The following DRC8 variants were observed in gnomAD, a reference collection of about 807,000 sequenced individuals.
DRC8 encodes the protein dynein regulatory complex subunit 8.
At chr1:244,997,143 A>C in the DRC8 span, among the ~76,000 whole-genome samples, 3 of 152,346 alleles carry the variant, frequency 2.0e-5, no homozygotes, top group Admixed American at 1.3e-4. Context: ...TTCAATATAC[A>C]GTTGAATCCA....
the DRC8 span, among the ~76,000 whole-genome samples, chr1:245,063,056 C>G: frequency 1.3e-5 from 2 of 152,300 alleles, no homozygotes; most frequent in Admixed American, 1.3e-4. Flanking sequence ...CAGCCTGATA[C>G]CCTTGGTGAG....
At chr1:244,990,507 T>A in the DRC8 span, among the ~76,000 whole-genome samples, 2 of 152,136 alleles carry the variant, frequency 1.3e-5, no homozygotes, top group African/African-American at 2.4e-5. Flanking sequence ...TATGGACACA[T>A]TGGATGTTTA....
At chr1:245,113,596 A>T in the DRC8 span, among the ~76,000 whole-genome samples, 1 of 152,200 alleles carries the variant, frequency 6.6e-6, no homozygotes, top group Non-Finnish European at 1.5e-5. Context: ...CTAACCTAAA[A>T]TTAATATGCC....
chr1:245,103,967 G>A, the DRC8 span, among the ~76,000 whole-genome samples: 1 of 152,188 alleles, frequency 6.6e-6, no homozygotes, highest in Non-Finnish European at 1.5e-5. Context: ...AAGAGGCGGG[G>A]AAGTTGCAGA....
the DRC8 span, among the ~76,000 whole-genome samples, chr1:245,003,384 A>G: frequency 6.6e-6 from 1 of 152,210 alleles, no homozygotes; most frequent in Non-Finnish European, 1.5e-5. Context: ...CAAAGAAGAT[A>G]CTATTATTAT....
chr1:245,068,428 T>C, the DRC8 span, among the ~76,000 whole-genome samples: 1 of 151,946 alleles, frequency 6.6e-6, no homozygotes, highest in Admixed American at 6.6e-5. Flanking sequence ...TGGACTGTAA[T>C]TTTTTTTGTT....
chr1:245,030,891 C>G, the DRC8 span: 1 of 152,248 alleles, frequency 6.6e-6, no homozygotes, highest in Non-Finnish European at 1.5e-5. Context: ...CTTTGTTGAG[C>G]AGAGCTCAAC....
chr1:245,121,888 C>A, the DRC8 span: 5 of 418,650 alleles, frequency 1.2e-5, no homozygotes, highest in Non-Finnish European at 2.3e-5. Context: ...TTTTTCTTTT[C>A]TTTTTTCTTA....
At chr1:244,987,907 G>T in the DRC8 span, among the ~76,000 whole-genome samples, 1 of 152,032 alleles carries the variant, frequency 6.6e-6, no homozygotes, top group Non-Finnish European at 1.5e-5. Flanking sequence ...AAACTCAGCT[G>T]CACTATTTGT....
the DRC8 span, among the ~76,000 whole-genome samples, chr1:245,048,819 CTTCT>C: frequency 2.6e-5 from 4 of 151,748 alleles, no homozygotes; most frequent in African/African-American, 7.3e-5. Context: ...CACTGTGGAT[CTTCT>C]TTCTTTCTTT....
the DRC8 span, among the ~76,000 whole-genome samples, chr1:245,094,089 C>T: frequency 6.6e-6 from 1 of 152,242 alleles, no homozygotes; most frequent in East Asian, 1.9e-4. Context: ...GTTACTAACT[C>T]AAGGTATGAT....
At chr1:245,117,287 C>G in the DRC8 span, among the ~76,000 whole-genome samples, 1 of 152,074 alleles carries the variant, frequency 6.6e-6, no homozygotes, top group Non-Finnish European at 1.5e-5. Context: ...CTCCTGACCT[C>G]AAGTGATCCA....
chr1:245,086,767 T>C, the DRC8 span: 14 of 533,424 alleles, frequency 2.6e-5, no homozygotes, highest in South Asian at 1.8e-4. Flanking sequence ...TAGAGACAGG[T>C]AAGCTAAGGT....
the DRC8 span, among the ~76,000 whole-genome samples, chr1:245,066,370 G>C: frequency 2.0e-5 from 3 of 152,166 alleles, no homozygotes; most frequent in African/African-American, 4.8e-5. Context: ...TTTAGAAAGA[G>C]AGCATTAGTA....
At chr1:245,075,409 G>T in the DRC8 span, among the ~76,000 whole-genome samples, 1 of 152,244 alleles carries the variant, frequency 6.6e-6, no homozygotes, top group East Asian at 1.9e-4. Flanking sequence ...TTATTAAAAA[G>T]TCCCACAGTA....
chr1:245,004,002 G>T, the DRC8 span, among the ~76,000 whole-genome samples: 1 of 43,292 alleles, frequency 2.3e-5, no homozygotes, highest in Admixed American at 2.3e-4. Context: ...CAATAGGCAT[G>T]TGCCACCTTC....
the DRC8 span, among the ~76,000 whole-genome samples, chr1:245,008,260 G>A: frequency 1.3e-5 from 2 of 151,620 alleles, no homozygotes. Flanking sequence ...ATGAGCTTTG[G>A]GACTCTACAT....
chr1:245,058,587 A>G, the DRC8 span, among the ~76,000 whole-genome samples: 1 of 152,248 alleles, frequency 6.6e-6, no homozygotes, highest in East Asian at 1.9e-4. Flanking sequence ...TTGCGAAATT[A>G]AATTAACATT....
the DRC8 span, among the ~76,000 whole-genome samples, chr1:245,069,915 T>A: frequency 6.6e-6 from 1 of 152,024 alleles, no homozygotes; most frequent in Non-Finnish European, 1.5e-5. Context: ...CTTGGTGGTG[T>A]GTGCCTATAG....
Sources: allele counts gnomAD v4.1 joint callset (sites outside exome capture counted in the v4.1 genomes callset), GRCh38; gene constraint gnomAD v4.1.1; transcripts MANE v1.5; gene names NCBI Gene and HGNC (gene_info 2026-07-23, HGNC 2026-07-21).